APOLD1: variants seen among roughly 807,000 people sequenced by gnomAD.
The protein encoded by APOLD1 is apolipoprotein L domain-containing protein 1.
A neutral mutation model predicts 15.3 loss-of-function variants in APOLD1; 22 were observed. The ratio of observed to expected loss-of-function variants is 1.44; its 90% CI spans 1.03 to 2.05. APOLD1 has a LOEUF of 2.05. Among genes scored for constraint, APOLD1 ranks in the 30% most tolerant of loss-of-function variants. The pLI, the probability that APOLD1 is intolerant of heterozygous loss-of-function variation, is 0.00. For missense variants in APOLD1, 394 were observed against 353.5 expected (o/e 1.11, Z -0.92); for synonymous variants, 190 against 167.4 (o/e 1.13, Z -1.04).
intron 1 of APOLD1, among the ~76,000 whole-genome samples, chr12:12,748,473 AT>A (rs1234103253): frequency 3.9e-5 from 6 of 152,094 alleles, no homozygotes; most frequent in Admixed American, 3.9e-4. Flanking sequence ...ATCAAACAAT[AT>A]TTTTTTGTGA....
At chr12:12,782,902 T>C (rs760295925), upstream of APOLD1, among the ~76,000 whole-genome samples, 3 of 152,182 alleles carry the variant, frequency 2.0e-5, no homozygotes, top group Non-Finnish European at 2.9e-5. Context: ...GTGTCTTTAC[T>C]ATATGAAATT....
At chr12:12,768,613 C>G (rs1409774768) in intron 1 of APOLD1, among the ~76,000 whole-genome samples, 1 of 151,608 alleles carries the variant, frequency 6.6e-6, no homozygotes, top group Non-Finnish European at 1.5e-5. Flanking sequence ...AATCACGCCA[C>G]TGCACTCCAG....
chr12:12,787,138 C>T lies in APOLD1; in HGVS notation c.233C>T (p.Pro78Leu). 1 of 1,490,466 alleles carries T rather than the reference C, an allele frequency of 6.7e-7. No individual in the cohort carries two copies. Among genetic ancestry groups the T allele is most frequent in the Non-Finnish European group, 8.8e-7 (1 of 1,131,884 alleles). The allele number at this position is 1,490,466 out of a possible 1,614,324, so 92.3% of individuals were successfully genotyped here. ...LAAIVGLSLS[P>L]VTLGTSLLVS... ...GCCATCGTGGGGCTCTCGCTCAGCCCGGTCACCCTGGGGACCTCGCTGCTG... is the reference window on the plus strand; with the variant it reads ...GCCATCGTGGGGCTCTCGCTCAGCCTGGTCACCCTGGGGACCTCGCTGCTG... The change falls in exon 2 of 2, where the codon CCG (proline) becomes CTG (leucine). Residue 78 changes from proline (P) to leucine (L), a missense_variant. Pro to Leu is a moderately conservative substitution (Grantham distance 98, BLOSUM62 -3). Coordinates refer to ENST00000356591, the MANE Select transcript of APOLD1 (RefSeq NM_030817.3). The surrounding 1 kb of genome is among the most constrained non-coding windows in gnomAD (Gnocchi z 4.9).
intron 1 of APOLD1, among the ~76,000 whole-genome samples, chr12:12,743,375 A>T (rs1324135933): frequency 1.3e-5 from 2 of 152,180 alleles, no homozygotes; most frequent in Non-Finnish European, 2.9e-5. Context: ...TTTAAAAAAA[A>T]AAACAGGTGT....
chr12:12,786,437 T>C (rs2136401892), intron 1 of APOLD1, among the ~76,000 whole-genome samples: 1 of 152,152 alleles, frequency 6.6e-6, no homozygotes, highest in African/African-American at 2.4e-5. Flanking sequence ...TTTTCATTCA[T>C]TAGAGAGAGA....
intron 1 of APOLD1, among the ~76,000 whole-genome samples, chr12:12,757,123 A>T (rs1210039813): frequency 6.6e-6 from 1 of 152,154 alleles, no homozygotes. Context: ...ACTTCTCCAA[A>T]ACAAGAACTA....
At chr12:12,763,378 T>A (rs1946917162) in intron 1 of APOLD1, among the ~76,000 whole-genome samples, 1 of 152,146 alleles carries the variant, frequency 6.6e-6, no homozygotes, top group Non-Finnish European at 1.5e-5. Flanking sequence ...ATTTGGGGAA[T>A]GTTCAAGTAC....
At chr12:12,746,095 C>A (rs149462235) in intron 1 of APOLD1, among the ~76,000 whole-genome samples, 22 of 152,174 alleles carry the variant, frequency 1.4e-4, no homozygotes, top group South Asian at 6.2e-4. Context: ...GCTATTTCAT[C>A]CGAGTCTGGA....
At position 12,788,048 on chromosome 12, in the gene APOLD1, T is replaced by C. The variant is rs1459424082; in HGVS notation, c.*396T>C. On this transcript the variant is annotated 3_prime_UTR_variant, in exon 2 of 2. Coordinates refer to ENST00000356591, the MANE Select transcript of APOLD1 (RefSeq NM_030817.3). The stretch of plus-strand genomic sequence containing the variant: ...GGTCCTCTCCAAGTCCTACTAGTCT[T>C]TGAAGTCCTCAAAATGTGCGTGAGG... 6 of 176,120 alleles carry C rather than the reference T, an allele frequency of 3.4e-5. No individual in the cohort carries two copies. The highest frequency in any genetic ancestry group is 4.8e-5 in the African/African-American group (2 of 41,954). 10.9% of individuals were successfully genotyped at this position (176,120 alleles called of 1,614,324 possible).
intron 1 of APOLD1, among the ~76,000 whole-genome samples, chr12:12,728,080 C>T (rs1445119125): frequency 6.6e-6 from 1 of 152,190 alleles, no homozygotes; most frequent in Non-Finnish European, 1.5e-5. Context: ...AGATCCTCTA[C>T]TTCAGCCTCC....
intron 1 of APOLD1, among the ~76,000 whole-genome samples, chr12:12,746,672 A>G (rs536337999): frequency 6.6e-6 from 1 of 152,276 alleles, no homozygotes; most frequent in East Asian, 1.9e-4. Context: ...AGGGAGGTAC[A>G]TGCACAGGTT....
intron 1 of APOLD1, among the ~76,000 whole-genome samples, chr12:12,757,937 CTT>C (rs144139766): frequency 3.5e-4 from 43 of 121,372 alleles, no homozygotes; most frequent in Middle Eastern, 4.1e-3. Context: ...AATTCAATAT[CTT>C]TTTTTTTTTT....
At chr12:12,732,936 T>C (rs1042470571) in intron 1 of APOLD1, among the ~76,000 whole-genome samples, 2 of 152,034 alleles carry the variant, frequency 1.3e-5, no homozygotes, top group African/African-American at 2.4e-5. Context: ...AATTGATTAT[T>C]TGATTGAACT....
intron 1 of APOLD1, among the ~76,000 whole-genome samples, chr12:12,733,126 C>A (rs1254214472): frequency 6.8e-6 from 1 of 146,348 alleles, no homozygotes; most frequent in Admixed American, 6.9e-5. Flanking sequence ...CCAGCCTGGG[C>A]AACGTGGTGA....
intron 1 of APOLD1, among the ~76,000 whole-genome samples, chr12:12,734,020 T>C: frequency 6.6e-6 from 1 of 150,970 alleles, no homozygotes; most frequent in East Asian, 1.9e-4. Flanking sequence ...AGGCATTTCT[T>C]TAATAATTTT....
rs1694392069 is a variant in APOLD1 at position 12,775,478 on chromosome 12, T to C, written c.97-11431T>C. ...CAATGTAGGTTCATGAATTGTAACA[T>C]AGGTACTGCTCTGTGGGCACTGGCA... On this transcript the variant is annotated intron_variant, in intron 1 of 1. Coordinates refer to the APOLD1 transcript ENST00000326765. Among the ~76,000 whole-genome samples the C allele has an allele frequency of 2.0e-5, 3 of 152,292 alleles. No individual in the cohort carries two copies. In the South Asian group the frequency reaches 6.2e-4, roughly 32 times the overall value.
chr12:12,759,799 T>C (rs1946883499), intron 1 of APOLD1, among the ~76,000 whole-genome samples: 1 of 152,210 alleles, frequency 6.6e-6, no homozygotes, highest in South Asian at 2.1e-4. Context: ...TCACTGGGAC[T>C]TCTAGGAAAG....
intron 1 of APOLD1, chr12:12,771,796 A>ATAT (rs1337302360): frequency 4.8e-6 from 1 of 208,006 alleles, no homozygotes. Flanking sequence ...ATTTATGTAT[A>ATAT]AGTGAAACAA....
chr12:12,742,506 C>A (rs1339160249), intron 1 of APOLD1, among the ~76,000 whole-genome samples: 1 of 152,036 alleles, frequency 6.6e-6, no homozygotes, highest in Admixed American at 6.5e-5. Flanking sequence ...GTGGCTCACG[C>A]CTGTAATCCC....
Sources: allele counts gnomAD v4.1 joint callset (sites outside exome capture counted in the v4.1 genomes callset), GRCh38; gene constraint gnomAD v4.1.1; non-coding constraint Gnocchi (gnomAD v3.1); transcripts MANE v1.5; gene names NCBI Gene and HGNC (gene_info 2026-07-23, HGNC 2026-07-21).